Variants in TEX11 observed in about 807,000 individuals in gnomAD.
TEX11 encodes the protein testis-expressed protein 11.
In TEX11, 7 loss-of-function variants were observed where a neutral mutation model predicts 84.4. The observed-to-expected ratio is 0.08, with a 90% CI of 0.05 to 0.16. The LOEUF (loss-of-function observed/expected upper bound fraction) is 0.16. Among genes scored for constraint, TEX11 ranks in the 10% least tolerant of loss-of-function variants. The pLI is 1.00. For missense variants in TEX11, 551 were observed against 660.5 expected (o/e 0.83, Z 1.82); for synonymous variants, 264 against 222.8 (o/e 1.18, Z -1.64).
intron 23 of TEX11, 26 bp downstream of exon 23, chrX:70,606,933 T>G: frequency 1.0e-4 from 109 of 1,055,591 alleles, no homozygotes; most frequent in Middle Eastern, 2.7e-4. Flanking sequence ...GGTCCATACA[T>G]GAGATACTTA....
intron 25 of TEX11, among the ~76,000 whole-genome samples, chrX:70,579,356 G>T (rs2088731772): frequency 1.9e-5 from 2 of 106,371 alleles, no homozygotes; most frequent in African/African-American, 6.8e-5. Flanking sequence ...TTAGCTGGGT[G>T]TGGTGGCGGG....
At chrX:70,895,870 C>T (rs974409387) in intron 2 of TEX11, among the ~76,000 whole-genome samples, 5 of 112,007 alleles carry the variant, frequency 4.5e-5, no homozygotes, top group African/African-American at 1.3e-4. Context: ...CAAAAATTAA[C>T]TCAAGATGGA....
At chrX:70,704,513 A>G (rs753780769) in intron 13 of TEX11, among the ~76,000 whole-genome samples, 2 of 111,468 alleles carry the variant, frequency 1.8e-5, no homozygotes, top group African/African-American at 6.5e-5. Flanking sequence ...AGTACTCGAA[A>G]TCATTATTCT....
At chrX:70,668,248 T>C (rs1369343174) in intron 16 of TEX11, among the ~76,000 whole-genome samples, 2 of 112,448 alleles carry the variant, frequency 1.8e-5, no homozygotes, top group East Asian at 5.5e-4. Context: ...TGAAAAACCA[T>C]GAAATTTTAG....
At chrX:70,875,336 T>C (rs1351163438) in intron 3 of TEX11, among the ~76,000 whole-genome samples, 1 of 110,865 alleles carries the variant, frequency 9.0e-6, no homozygotes. Context: ...TCATTATTTA[T>C]AATAGTGAAA....
chrX:70,517,731 G>A, the TEX11 span, among the ~76,000 whole-genome samples: 2 of 110,876 alleles, frequency 1.8e-5, no homozygotes, highest in Non-Finnish European at 3.8e-5. Flanking sequence ...CATAGAATTC[G>A]GCTGTGAATC....
intron 25 of TEX11, among the ~76,000 whole-genome samples, chrX:70,558,867 A>G (rs1008509684): frequency 8.9e-6 from 1 of 112,006 alleles, no homozygotes; most frequent in African/African-American, 3.2e-5. Context: ...CCATAATAAG[A>G]TATCACTATA....
chrX:70,750,466 G>A (rs111494876), intron 9 of TEX11, among the ~76,000 whole-genome samples: 2,936 of 110,701 alleles, frequency 0.027, 92 homozygotes, highest in African/African-American at 0.091. Flanking sequence ...ATAAAGACAC[G>A]CATACGTATG....
At chrX:70,617,337 G>A (rs1295910151) in intron 20 of TEX11, among the ~76,000 whole-genome samples, 1 of 81,105 alleles carries the variant, frequency 1.2e-5, no homozygotes, top group Non-Finnish European at 2.8e-5. Flanking sequence ...AAGAATAAGT[G>A]AAGGTTTTAT....
chrX:70,752,372 A>G (rs1193020192), intron 9 of TEX11, among the ~76,000 whole-genome samples: 1 of 109,075 alleles, frequency 9.2e-6, no homozygotes. Context: ...CAAAAATACA[A>G]AAATTAGCCG....
At chrX:70,906,750 G>T (rs771511968) in intron 2 of TEX11, among the ~76,000 whole-genome samples, 1 of 109,977 alleles carries the variant, frequency 9.1e-6, no homozygotes, top group South Asian at 3.9e-4. Context: ...TGGCACCACT[G>T]CACTCCAGCC....
chrX:70,644,887 C>T (rs1452382600), intron 17 of TEX11, among the ~76,000 whole-genome samples: 2 of 103,305 alleles, frequency 1.9e-5, no homozygotes, highest in African/African-American at 7.1e-5. Context: ...CTAACCTGCA[C>T]AATGTGCACA....
At chrX:70,712,805 T>C (rs1450643470) in intron 13 of TEX11, among the ~76,000 whole-genome samples, 2 of 111,035 alleles carry the variant, frequency 1.8e-5, no homozygotes, top group South Asian at 3.9e-4. Context: ...CTGATTGCCC[T>C]GGCCAGAACT....
intron 9 of TEX11, among the ~76,000 whole-genome samples, chrX:70,771,447 T>C (rs2090971550): frequency 8.9e-6 from 1 of 112,179 alleles, no homozygotes; most frequent in African/African-American, 3.2e-5. Context: ...GTCTCTAATA[T>C]AACAGGAGAT....
intron 9 of TEX11, among the ~76,000 whole-genome samples, chrX:70,780,588 C>G (rs2091032585): frequency 8.9e-6 from 1 of 112,416 alleles, no homozygotes; most frequent in Non-Finnish European, 1.9e-5. Context: ...CCTGGAGGAA[C>G]AGTACACTCC....
rs1026757702 is a variant in TEX11 at position 70,684,800 on chromosome X, T to A, written c.1005-1975A>T. ...GCATTTTTCACAGAAATAGAAAAGC[T>A]AATATTAAAATTTGTATGGAACCAC... On this transcript the variant is annotated intron_variant, in intron 13 of 29. Coordinates refer to ENST00000374333, the MANE Select transcript of TEX11 (RefSeq NM_031276.3). Among the ~76,000 whole-genome samples the A allele has an allele frequency of 4.5e-5, 5 of 111,687 alleles. No homozygotes were observed. In the Admixed American group the frequency reaches 4.7e-4, roughly 11 times the overall value.
intron 15 of TEX11, among the ~76,000 whole-genome samples, chrX:70,675,938 T>A (rs1423628778): frequency 8.9e-6 from 1 of 111,889 alleles, no homozygotes; most frequent in African/African-American, 3.3e-5. Flanking sequence ...CCCATTCTAC[T>A]TTCATTCTCC....
intron 9 of TEX11, among the ~76,000 whole-genome samples, chrX:70,805,284 A>G (rs2091212025): frequency 9.0e-6 from 1 of 111,678 alleles, no homozygotes. Flanking sequence ...ATATTCACAA[A>G]AGTTAGACTA....
At chrX:70,786,909 C>A (rs753824489) in intron 9 of TEX11, among the ~76,000 whole-genome samples, 2 of 111,519 alleles carry the variant, frequency 1.8e-5, no homozygotes, top group Non-Finnish European at 3.8e-5. Context: ...CCAAAGCGGG[C>A]GGATTGCCTG....
Sources: gnomAD v4.1 joint callset for allele counts (sites outside exome capture counted in the v4.1 genomes callset) on GRCh38, gnomAD v4.1.1 for gene constraint, MANE v1.5 for transcripts, NCBI Gene and HGNC (gene_info 2026-07-23, HGNC 2026-07-21) for gene names.